Variants in FBXW11 observed in about 807,000 individuals in gnomAD.
The protein encoded by FBXW11 is F-box and WD repeat domain containing 11, also known as F-box/WD repeat-containing protein 11.
In FBXW11, 19 loss-of-function variants were observed where a neutral mutation model predicts 77.6. That is an observed-to-expected ratio of 0.24 (90% CI 0.17 to 0.36). The LOEUF (loss-of-function observed/expected upper bound fraction) is 0.36. FBXW11 is among the 10% of genes least tolerant of loss of function. The pLI, the probability that FBXW11 is intolerant of heterozygous loss-of-function variation, is 1.00. For synonymous variants in FBXW11, 235 were observed against 249.4 expected (o/e 0.94, Z 0.54); for missense variants, 334 against 704.2 (o/e 0.47, Z 5.95).
At chr5:171,900,501 G>C (rs1760043388) in intron 4 of FBXW11, among the ~76,000 whole-genome samples, 1 of 152,086 alleles carries the variant, frequency 6.6e-6, no homozygotes, top group Non-Finnish European at 1.5e-5. Context: ...TTTACTACTG[G>C]AACTCGGATT....
chr5:171,909,112 T>TA (rs1760719871), intron 4 of FBXW11, among the ~76,000 whole-genome samples: 1 of 152,162 alleles, frequency 6.6e-6, no homozygotes, highest in Non-Finnish European at 1.5e-5. Flanking sequence ...GAGAATTTTT[T>TA]AAAAAACAAT....
chr5:171,893,446 A>AAC (rs1554096981), intron 6 of FBXW11, among the ~76,000 whole-genome samples: 5 of 147,990 alleles, frequency 3.4e-5, no homozygotes, highest in African/African-American at 1.3e-4. Flanking sequence ...AAAAAAAAAA[A>AAC]ACTAACCCAA....
chr5:171,990,765 A>T (rs1470158431), intron 1 of FBXW11, among the ~76,000 whole-genome samples: 1 of 152,218 alleles, frequency 6.6e-6, no homozygotes, highest in East Asian at 1.9e-4. Context: ...GTATGTATAG[A>T]AAGGTTACAC....
At chr5:171,984,739 A>G (rs1305472524) in intron 1 of FBXW11, among the ~76,000 whole-genome samples, 1 of 152,256 alleles carries the variant, frequency 6.6e-6, no homozygotes, top group African/African-American at 2.4e-5. Context: ...TCTTGTTTAA[A>G]AATTTAGCTC....
chr5:171,887,044 AAT>A (rs942633628), intron 7 of FBXW11, among the ~76,000 whole-genome samples: 2 of 152,128 alleles, frequency 1.3e-5, no homozygotes, highest in African/African-American at 4.8e-5. Flanking sequence ...AAAAATTAAA[AAT>A]AGAGTTCCGT....
At chr5:171,980,271 C>T (rs1327737576) in intron 1 of FBXW11, among the ~76,000 whole-genome samples, 1 of 152,180 alleles carries the variant, frequency 6.6e-6, no homozygotes, top group Non-Finnish European at 1.5e-5. Context: ...AGACAAACCT[C>T]TACTTTACTT....
At chr5:171,900,214 G>T in intron 4 of FBXW11, 114 bp from the exon 5 acceptor site, 1 of 890,950 alleles carries the variant, frequency 1.1e-6, no homozygotes, top group Non-Finnish European at 1.7e-6. Flanking sequence ...AAATATTTTA[G>T]TCATATCAAA....
intron 2 of FBXW11, 143 bp from the exon 3 acceptor site, chr5:171,914,548 T>C (rs1287539263): frequency 3.4e-6 from 2 of 593,318 alleles, no homozygotes; most frequent in Non-Finnish European, 5.6e-6. Context: ...ACACATGCCA[T>C]TTTGGGTCAA....
intron 2 of FBXW11, among the ~76,000 whole-genome samples, chr5:171,915,812 C>G (rs1405648525): frequency 1.3e-5 from 2 of 152,012 alleles, no homozygotes; most frequent in African/African-American, 2.4e-5. Context: ...TGGCATTATT[C>G]ACAACAGCAA....
At position 171,910,788 on chromosome 5, in the gene FBXW11, C is replaced by T. The variant is rs1243747226; in HGVS notation, c.220G>A (p.Gly74Arg). ...CTGGAGACGATCACAGATGATGTTCCATTACTTATCTATTTTAGAAAAACA... is the reference window on the plus strand; with the variant it reads ...CTGGAGACGATCACAGATGATGTTCTATTACTTATCTATTTTAGAAAAACA... ...KKNTLWQISN[G>R]TSSVIVSRKR... The change falls in exon 4 of 14, where the codon GGA becomes AGA. Residue 74 changes from glycine (G) to arginine (R), a missense_variant. Around this residue, in one of 10 missense-constraint regions of FBXW11, gnomAD observed 80 missense variants for 105.1 expected, o/e 0.76. Coordinates refer to ENST00000517395, the MANE Select transcript of FBXW11 (RefSeq NM_001378974.1). 3 of 1,566,080 alleles carry T rather than the reference C, an allele frequency of 1.9e-6. No homozygotes were observed. The highest frequency in any genetic ancestry group is 2.6e-6 in the Non-Finnish European group (3 of 1,160,188).
chr5:171,987,204 G>A (rs1581080120), intron 1 of FBXW11, among the ~76,000 whole-genome samples: 1 of 152,132 alleles, frequency 6.6e-6, no homozygotes, highest in East Asian at 1.9e-4. Context: ...GACCTAACGG[G>A]ATAAAGTTCA....
chr5:171,930,740 T>A lies in FBXW11; in HGVS notation c.148-16335A>T, dbSNP rs991239738. On this transcript the variant is annotated intron_variant, in intron 2 of 13. Transcript: ENST00000517395. ...ATCAATAAAAAAAATAAATAAAAAA[T>A]AAAAAATAAAAAATAAAAAAATAAA... 4.1e-3 allele frequency among the ~76,000 whole-genome samples: 192 copies of A among 46,762 alleles called. 3 individuals are homozygous for A. Among genetic ancestry groups the A allele is most frequent in the East Asian group, 0.032 (65 of 2,034 alleles). 30.7% of individuals were successfully genotyped at this position (46,762 alleles called of 152,430 possible).
chr5:171,934,179 A>T (rs545329035), intron 2 of FBXW11, among the ~76,000 whole-genome samples: 1 of 152,322 alleles, frequency 6.6e-6, no homozygotes, highest in Admixed American at 6.5e-5. Flanking sequence ...AACTGATTTA[A>T]ATATGATCAA....
chr5:171,891,722 A>G (rs991324379), intron 6 of FBXW11, 118 bp from the exon 7 acceptor site: 1 of 957,756 alleles, frequency 1.0e-6, no homozygotes, highest in Non-Finnish European at 1.5e-6. Flanking sequence ...CTTGGTTTGC[A>G]TAACTGTCTG....
At chr5:171,920,635 G>T (rs1761540981) in intron 2 of FBXW11, among the ~76,000 whole-genome samples, 1 of 151,958 alleles carries the variant, frequency 6.6e-6, no homozygotes, top group Non-Finnish European at 1.5e-5. Flanking sequence ...GAAGTTTGAG[G>T]CTTCAATAAG....
At chr5:171,867,326 T>C (rs1376198681) in intron 13 of FBXW11, among the ~76,000 whole-genome samples, 1 of 152,182 alleles carries the variant, frequency 6.6e-6, no homozygotes, top group Non-Finnish European at 1.5e-5. Context: ...CATGGCTGTG[T>C]AGCACAAATG....
chr5:172,005,827 G>A (rs1198009140), intron 1 of FBXW11, among the ~76,000 whole-genome samples: 6 of 152,090 alleles, frequency 3.9e-5, no homozygotes, highest in Non-Finnish European at 8.8e-5. Flanking sequence ...CCTCTCCGCC[G>A]GGTAGGAAAC....
rs183609830 is a variant in FBXW11, at chr5:171,912,192, T to C, written c.211-1395A>G. ...CTTCACACAAAATCTTGTCTGAAGT[T>C]CTTATGTCCATATTTAGAGGTATGA... On this transcript the variant is annotated intron_variant, in intron 3 of 13. Coordinates refer to ENST00000517395, the MANE Select transcript of FBXW11 (RefSeq NM_001378974.1). Among the ~76,000 whole-genome samples the C allele has an allele frequency of 6.8e-4, 103 of 152,294 alleles. 2 individuals are homozygous for C. The highest frequency in any genetic ancestry group is 2.4e-4 in the Non-Finnish European group (16 of 68,024).
At chr5:171,987,444 G>GT (rs1054267683) in intron 1 of FBXW11, among the ~76,000 whole-genome samples, 35 of 151,420 alleles carry the variant, frequency 2.3e-4, no homozygotes, top group Admixed American at 7.3e-4. Context: ...GTTTTTTTGG[G>GT]TTTTTTTTGT....
Sources: allele counts gnomAD v4.1 joint callset (sites outside exome capture counted in the v4.1 genomes callset), GRCh38; gene constraint gnomAD v4.1.1; regional missense constraint gnomAD v4.1.1; transcripts MANE v1.5; gene names NCBI Gene and HGNC (gene_info 2026-07-23, HGNC 2026-07-21).